CDH13: variants seen among roughly 807,000 people sequenced by gnomAD.
CDH13 encodes the protein cadherin-13.
In CDH13, 24 loss-of-function variants were observed where a neutral mutation model predicts 63.8. The ratio of observed to expected loss-of-function variants is 0.38; its 90% CI spans 0.27 to 0.53. CDH13 has a LOEUF of 0.53. Among genes scored for constraint, CDH13 ranks in the 20% least tolerant of loss-of-function variants. The pLI, the probability that CDH13 is intolerant of heterozygous loss-of-function variation, is 0.85. For missense variants in CDH13, 1,049 were observed against 903.1 expected (o/e 1.16, Z -2.07); for synonymous variants, 503 against 355.3 (o/e 1.42, Z -4.67).
chr16:83,321,088 C>G (rs1465871813), intron 5 of CDH13, among the ~76,000 whole-genome samples: 1 of 152,152 alleles, frequency 6.6e-6, no homozygotes, highest in African/African-American at 2.4e-5. Flanking sequence ...GTATGGAATA[C>G]AAATAGAAGG....
At chr16:83,582,177 C>T (rs1440175411) in intron 7 of CDH13, among the ~76,000 whole-genome samples, 3 of 152,116 alleles carry the variant, frequency 2.0e-5, no homozygotes, top group Non-Finnish European at 4.4e-5. Flanking sequence ...GAGGGCTGCT[C>T]CCAGCATTTT....
At chr16:83,254,542 G>T (rs1006981287) in intron 5 of CDH13, among the ~76,000 whole-genome samples, 2 of 152,202 alleles carry the variant, frequency 1.3e-5, no homozygotes, top group African/African-American at 4.8e-5. Flanking sequence ...AGGATCCCCT[G>T]TGGCTGGCAT....
chr16:83,047,676 A>G lies in CDH13; in HGVS notation c.366+15458A>G, dbSNP rs545361949. Among the ~76,000 whole-genome samples, 2 of 152,348 alleles carry G rather than the reference A, an allele frequency of 1.3e-5. No homozygotes were observed. The highest frequency in any genetic ancestry group is 2.1e-4 in the South Asian group (1 of 4,832). ...CGTTGCTATAAATCTAGCACTTACA[A>G]TATCTGGCTGTGAATAAATAATTTC... On this transcript the variant is annotated intron_variant, in intron 3 of 13. Transcript: ENST00000567109. The surrounding 1 kb of genome is among the most constrained non-coding windows in gnomAD (Gnocchi z 4.9).
intron 5 of CDH13, among the ~76,000 whole-genome samples, chr16:83,257,717 T>G (rs1006422485): frequency 1.3e-5 from 2 of 152,228 alleles, no homozygotes; most frequent in African/African-American, 4.8e-5. Context: ...TGAATAGTGC[T>G]GCAATGAACA....
At chr16:83,426,600 G>C (rs148587415) in intron 6 of CDH13, among the ~76,000 whole-genome samples, 1 of 151,988 alleles carries the variant, frequency 6.6e-6, no homozygotes, top group African/African-American at 2.4e-5. Flanking sequence ...CAGTCTAGAA[G>C]AGGGATCCAA....
chr16:83,744,041 A>G (rs1402746208), intron 10 of CDH13, among the ~76,000 whole-genome samples: 1 of 151,984 alleles, frequency 6.6e-6, no homozygotes, highest in Non-Finnish European at 1.5e-5. Flanking sequence ...CAACCTTAAA[A>G]CAAGGATGAT....
At chr16:83,519,394 C>T (rs2074776302) in intron 7 of CDH13, among the ~76,000 whole-genome samples, 1 of 152,090 alleles carries the variant, frequency 6.6e-6, no homozygotes, top group African/African-American at 2.4e-5. Context: ...AAGTAATAGT[C>T]TAGGGACAAA....
chr16:83,694,552 C>T (rs994721059), intron 10 of CDH13, among the ~76,000 whole-genome samples: 2 of 152,182 alleles, frequency 1.3e-5, no homozygotes, highest in African/African-American at 2.4e-5. Context: ...CCCCAGCTGC[C>T]CTCTGTGAGG....
intron 2 of CDH13, among the ~76,000 whole-genome samples, chr16:82,933,699 CA>C (rs762859547): frequency 2.6e-5 from 4 of 152,148 alleles, no homozygotes; most frequent in Non-Finnish European, 5.9e-5. Flanking sequence ...TTCCTAGATA[CA>C]ATGGAGATAC....
At chr16:82,774,702 G>A (rs745434188) in intron 1 of CDH13, among the ~76,000 whole-genome samples, 84 of 152,168 alleles carry the variant, frequency 5.5e-4, no homozygotes, top group Admixed American at 1.0e-3. Flanking sequence ...AATGCTGTGT[G>A]CTCACTGTAT....
chr16:83,082,153 G>C (rs979309419), intron 3 of CDH13, among the ~76,000 whole-genome samples: 4 of 152,146 alleles, frequency 2.6e-5, no homozygotes, highest in African/African-American at 9.7e-5. Flanking sequence ...TTGGGGTTTA[G>C]GGCTTCAACA....
rs1381298525 is a variant in CDH13, at chr16:82,959,854, G to A, written c.158-72156G>A. 7.2e-5 allele frequency among the ~76,000 whole-genome samples: 11 copies of A among 152,184 alleles called. 1 individual carries two copies. The highest frequency in any genetic ancestry group is 4.2e-4 in the South Asian group (2 of 4,808). On this transcript the variant is annotated intron_variant, in intron 2 of 13. Transcript: ENST00000567109. ...TTCCAGTTTTAGCATTTATGAGTACGGCAGCTATGCACAATTGTGTACAGA... is the reference window on the plus strand; with the variant it reads ...TTCCAGTTTTAGCATTTATGAGTACAGCAGCTATGCACAATTGTGTACAGA...
At chr16:83,197,944 G>T (rs931654033) in intron 4 of CDH13, among the ~76,000 whole-genome samples, 1 of 151,822 alleles carries the variant, frequency 6.6e-6, no homozygotes, top group Non-Finnish European at 1.5e-5. Context: ...AGGGAAACTG[G>T]GTAAAAGAGT....
chr16:83,533,213 T>C lies in CDH13; in HGVS notation c.960+46558T>C, dbSNP rs1022507339. ...GTGTCACGCTGGAGAAGGGTAAACATAGGTAAACTTCCCCTCAATGCGACG... is the reference window on the plus strand; with the variant it reads ...GTGTCACGCTGGAGAAGGGTAAACACAGGTAAACTTCCCCTCAATGCGACG... On this transcript the variant is annotated intron_variant, in intron 7 of 13. Transcript: ENST00000567109. Among the ~76,000 whole-genome samples the C allele has an allele frequency of 2.0e-5, 3 of 152,140 alleles. No homozygotes were observed. In the East Asian group the frequency reaches 5.8e-4, roughly 29 times the overall value.
intron 6 of CDH13, among the ~76,000 whole-genome samples, chr16:83,440,784 C>A (rs1362828199): frequency 4.2e-4 from 52 of 123,548 alleles, no homozygotes; most frequent in Admixed American, 6.5e-4. Flanking sequence ...GACTTCATCT[C>A]AAAAAAAAAA....
At chr16:83,069,933 T>C (rs571233429) in intron 3 of CDH13, among the ~76,000 whole-genome samples, 4 of 152,334 alleles carry the variant, frequency 2.6e-5, no homozygotes, top group Admixed American at 6.5e-5. Context: ...ATCAGTGTAG[T>C]TGATGGATAC....
intron 1 of CDH13, among the ~76,000 whole-genome samples, chr16:82,726,964 A>G (rs1482828319): frequency 6.6e-6 from 1 of 152,178 alleles, no homozygotes; most frequent in African/African-American, 2.4e-5. Flanking sequence ...CCTGTCTTTG[A>G]TGATGAACAA....
chr16:83,334,173 C>T (rs2090536885), intron 5 of CDH13, among the ~76,000 whole-genome samples: 1 of 152,070 alleles, frequency 6.6e-6, no homozygotes, highest in South Asian at 2.1e-4. Context: ...TTCGCTTCTT[C>T]CTCCCTCTTA....
At position 83,343,746 on chromosome 16, in the gene CDH13, A is replaced by G. The variant is rs984764232; in HGVS notation, c.637-1116A>G. Among the ~76,000 whole-genome samples the G allele has an allele frequency of 2.6e-5, 4 of 152,290 alleles. No homozygotes were observed. In the East Asian group the frequency reaches 7.7e-4, roughly 29 times the overall value. ...GACCATATTTAAATGCTTTAGAAATATTGTTTATAGTGGTTAAAAAAGTGA... is the reference window on the plus strand; with the variant it reads ...GACCATATTTAAATGCTTTAGAAATGTTGTTTATAGTGGTTAAAAAAGTGA... On this transcript the variant is annotated intron_variant, in intron 5 of 13. Transcript: ENST00000567109.
Sources: allele counts gnomAD v4.1 joint callset (sites outside exome capture counted in the v4.1 genomes callset), GRCh38; gene constraint gnomAD v4.1.1; non-coding constraint Gnocchi (gnomAD v3.1); transcripts MANE v1.5; gene names NCBI Gene and HGNC (gene_info 2026-07-23, HGNC 2026-07-21).